FAM133B: variants seen among roughly 807,000 people sequenced by gnomAD.
FAM133B encodes family with sequence similarity 133 member B.
Under a neutral mutation model 46.4 loss-of-function variants are expected in FAM133B, and 25 were observed. The observed-to-expected ratio is 0.54, with a 90% CI of 0.39 to 0.75. The LOEUF (loss-of-function observed/expected upper bound fraction) is 0.75, where lower values mean the gene tolerates loss of function less well. Ranked by LOEUF, FAM133B falls within the 30% of genes least tolerant of loss-of-function variation. The pLI, the probability that FAM133B is intolerant of heterozygous loss-of-function variation, is 0.00. For synonymous variants in FAM133B, 75 were observed against 86.0 expected, an observed-to-expected ratio of 0.87 and a Z score of 0.71; for missense variants, 205 against 277.6, an observed-to-expected ratio of 0.74 and a Z score of 1.86.
At chr7:92,579,644 C>T (rs1250273354) in intron 2 of FAM133B, among the ~76,000 whole-genome samples, 1 of 152,200 alleles carries the variant, frequency 6.6e-6, no homozygotes, top group Non-Finnish European at 1.5e-5. Flanking sequence ...CATCTAAGCA[C>T]TTACAACAGG....
chr7:92,579,468 A>G lies in FAM133B; in HGVS notation c.123-73T>C, dbSNP rs1166940673. On this transcript the variant is annotated intron_variant, in intron 2 of 10. Transcript: ENST00000445716. ...ATAAATGCTTACAAATAAGACAACA[A>G]AATTTCATAAACTCTTCTAAATATT... 3 of 1,027,712 alleles carry G rather than the reference A, an allele frequency of 2.9e-6. No individual in the cohort carries two copies. In the Admixed American group the frequency reaches 8.2e-5, roughly 28 times the overall value. The allele number at this position is 1,027,712 out of a possible 1,614,324, so 63.7% of individuals were successfully genotyped here.
intron 6 of FAM133B, 184 bp downstream of exon 6, chr7:92,577,471 A>G: frequency 2.2e-6 from 1 of 461,550 alleles, no homozygotes; most frequent in Non-Finnish European, 3.7e-6. Flanking sequence ...AAATCTAAAA[A>G]ATATATTATA....
At chr7:92,587,642 G>C (rs773670258) in intron 1 of FAM133B, among the ~76,000 whole-genome samples, 3 of 152,150 alleles carry the variant, frequency 2.0e-5, no homozygotes, top group Non-Finnish European at 4.4e-5. Flanking sequence ...GCTGACGTGA[G>C]AGCATCCCTT....
At chr7:92,576,379 A>T (rs866874594) in intron 7 of FAM133B, among the ~76,000 whole-genome samples, 2 of 152,334 alleles carry the variant, frequency 1.3e-5, no homozygotes, top group Middle Eastern at 3.4e-3. Flanking sequence ...CTTCTGCTTT[A>T]AAAGACAAAG....
intron 5 of FAM133B, 155 bp downstream of exon 5, chr7:92,577,995 A>C (rs1352717641): frequency 1.4e-6 from 1 of 715,634 alleles, no homozygotes; most frequent in African/African-American, 1.8e-5. Flanking sequence ...TGTCAGTGAT[A>C]GAACAAAATC....
Position 92,578,234 on chromosome 7 carries a change from T to C in FAM133B, c.277-52A>G, listed in dbSNP as rs528934195. ...AAATAAGCTGATGTGAGTTTGCAAA[T>C]GCATCTATTAACAGTAGTATACAGC... On this transcript the variant is annotated intron_variant, in intron 4 of 10. Coordinates refer to ENST00000445716, the MANE Select transcript of FAM133B (RefSeq NM_152789.4). 6 of 1,602,194 alleles carry C rather than the reference T, an allele frequency of 3.7e-6. No individual in the cohort carries two copies. In the South Asian group the frequency reaches 5.5e-5, roughly 15 times the overall value.
intron 8 of FAM133B, among the ~76,000 whole-genome samples, chr7:92,572,544 C>A (rs1794562980): frequency 6.6e-6 from 1 of 152,074 alleles, no homozygotes; most frequent in South Asian, 2.1e-4. Context: ...ATGGTGAAAC[C>A]CTGTCTCTAC....
At chr7:92,571,632 C>T (rs1794533780) in intron 8 of FAM133B, among the ~76,000 whole-genome samples, 2 of 152,042 alleles carry the variant, frequency 1.3e-5, no homozygotes, top group African/African-American at 4.8e-5. Context: ...ATGTAGTGGC[C>T]AGCTTTATAT....
chr7:92,574,425 A>G (rs1031550995), intron 8 of FAM133B, among the ~76,000 whole-genome samples: 6 of 152,190 alleles, frequency 3.9e-5, no homozygotes, highest in Admixed American at 1.3e-4. Flanking sequence ...AGTGGTGGTG[A>G]TTATTTAATG....
chr7:92,564,114 C>T (rs757882924), intron 10 of FAM133B, among the ~76,000 whole-genome samples: 6 of 152,140 alleles, frequency 3.9e-5, no homozygotes, highest in Non-Finnish European at 5.9e-5. Flanking sequence ...TTCCTCTTTC[C>T]CCACCAGGCA....
intron 9 of FAM133B, 95 bp from the exon 10 acceptor site, chr7:92,566,156 T>C (rs1794342224): frequency 8.7e-7 from 1 of 1,151,080 alleles, no homozygotes; most frequent in African/African-American, 1.5e-5. Context: ...ATCTTCAAAA[T>C]TTAAATGTAA....
intron 8 of FAM133B, among the ~76,000 whole-genome samples, chr7:92,570,419 C>T (rs1027212083): frequency 1.3e-5 from 2 of 151,888 alleles, no homozygotes; most frequent in African/African-American, 2.4e-5. Flanking sequence ...AAGTGAGTAA[C>T]TCTGGAGAAG....
At chr7:92,562,504 A>G in intron 10 of FAM133B, 136 bp from the exon 11 acceptor site, 3 of 1,264,722 alleles carry the variant, frequency 2.4e-6, no homozygotes, top group Non-Finnish European at 3.1e-6. Context: ...CATTCCTCAA[A>G]AAGTCTCAAC....
At chr7:92,577,589 G>A in intron 6 of FAM133B, 66 bp downstream of exon 6, 1 of 1,317,850 alleles carries the variant, frequency 7.6e-7, no homozygotes, top group Non-Finnish European at 1.0e-6. Flanking sequence ...TTTCACAATG[G>A]GTTTCCACTT....
chr7:92,571,211 A>G (rs1180708276), intron 8 of FAM133B, among the ~76,000 whole-genome samples: 1 of 152,184 alleles, frequency 6.6e-6, no homozygotes, highest in Admixed American at 6.5e-5. Context: ...ACCATGTCCA[A>G]AACTGTCTGT....
At chr7:92,590,080 G>A (rs1358678353) in intron 1 of FAM133B, 188 bp downstream of exon 1, 2 of 718,616 alleles carry the variant, frequency 2.8e-6, no homozygotes, top group East Asian at 5.6e-5. Context: ...GAGAGAGCTG[G>A]GAACCCTAAA....
rs1303789408 is a variant in FAM133B at position 92,562,255 on chromosome 7, A to G, written c.*27T>C. ...TTTCCTCAGACATTGCACTTTCTTT[A>G]TAAGGGAATCCTGATTTTTCTTAAT... On this transcript the variant is annotated 3_prime_UTR_variant, in exon 11 of 11. Coordinates refer to ENST00000445716, the MANE Select transcript of FAM133B (RefSeq NM_152789.4). 2.0e-6 allele frequency: 3 copies of G among 1,510,824 alleles called. No homozygotes were observed. The highest frequency in any genetic ancestry group is 2.8e-5 in the African/African-American group (2 of 71,130). The allele number at this position is 1,510,824 out of a possible 1,614,324, so 93.6% of individuals were successfully genotyped here.
Position 92,566,259 on chromosome 7 carries a change from C to T in FAM133B, c.610-198G>A, listed in dbSNP as rs575929837. On this transcript the variant is annotated intron_variant, in intron 9 of 10. Transcript: ENST00000445716. ...AAACATAAAGGAAGGACAATTAAGA[C>T]GTAAAATCTCTAGACAGCTTCTCTT... is the stretch of plus-strand genomic sequence containing the variant. Among the ~76,000 whole-genome samples, 7 of 152,124 alleles carry T rather than the reference C, an allele frequency of 4.6e-5. No individual in the cohort carries two copies. In the South Asian group the frequency reaches 1.2e-3, roughly 27 times the overall value.
chr7:92,579,196 C>T, intron 3 of FAM133B, 121 bp downstream of exon 3: 1 of 747,688 alleles, frequency 1.3e-6, no homozygotes, highest in Non-Finnish European at 2.2e-6. Flanking sequence ...TACTTTGTTG[C>T]CCAGGCTGGT....
Sources: allele counts gnomAD v4.1 joint callset (sites outside exome capture counted in the v4.1 genomes callset), GRCh38; gene constraint gnomAD v4.1.1; transcripts MANE v1.5; gene names NCBI Gene and HGNC (gene_info 2026-07-23, HGNC 2026-07-21).